The following NOS1AP variants were observed in gnomAD, a reference collection of about 807,000 sequenced individuals.
NOS1AP encodes carboxyl-terminal PDZ ligand of neuronal nitric oxide synthase protein.
Under a neutral mutation model 56.2 loss-of-function variants are expected in NOS1AP, and 21 were observed. The observed-to-expected ratio is 0.37, with a 90% CI of 0.26 to 0.54. The LOEUF is 0.54. NOS1AP is among the 20% of genes least tolerant of loss of function. The pLI is 0.84. For synonymous variants in NOS1AP, 270 were observed against 274.6 expected (o/e 0.98, Z 0.17); for missense variants, 522 against 657.8 (o/e 0.79, Z 2.26).
chr1:162,290,335 C>T (rs757699306), intron 3 of NOS1AP, among the ~76,000 whole-genome samples: 4 of 151,242 alleles, frequency 2.6e-5, no homozygotes, highest in Non-Finnish European at 5.9e-5. Flanking sequence ...GTTCATTTTA[C>T]ACAATCTCTG....
chr1:162,185,862 C>T (rs1651416857), intron 2 of NOS1AP, among the ~76,000 whole-genome samples: 1 of 152,170 alleles, frequency 6.6e-6, no homozygotes, highest in African/African-American at 2.4e-5. Flanking sequence ...CACTCTCCCT[C>T]CTCTGGAATC....
intron 2 of NOS1AP, among the ~76,000 whole-genome samples, chr1:162,165,484 G>A (rs1204980495): frequency 6.6e-6 from 1 of 152,174 alleles, no homozygotes; most frequent in Non-Finnish European, 1.5e-5. Flanking sequence ...GTGTGGTGTA[G>A]GTGTAATAAT....
chr1:162,179,151 A>C (rs1310175415), intron 2 of NOS1AP, among the ~76,000 whole-genome samples: 5 of 152,024 alleles, frequency 3.3e-5, no homozygotes, highest in African/African-American at 1.2e-4. Flanking sequence ...GTTACTGGGT[A>C]TTTATTTTAT....
At chr1:162,177,261 G>A (rs1431495832) in intron 2 of NOS1AP, among the ~76,000 whole-genome samples, 1 of 152,194 alleles carries the variant, frequency 6.6e-6, no homozygotes, top group African/African-American at 2.4e-5. Context: ...ACGCCATTGT[G>A]TTAATTAGGA....
chr1:162,255,490 A>ATTTTTTTGTTTTTTTTTTTTTTTTTTT (rs1653997985), intron 2 of NOS1AP, among the ~76,000 whole-genome samples: 1 of 60,974 alleles, frequency 1.6e-5, no homozygotes, highest in Non-Finnish European at 3.5e-5. Flanking sequence ...GCTGCTGCTG[A>ATTTTTTTGTTTTTTTTTTTTTTTTTTT]TTTTTTTTTT....
intron 4 of NOS1AP, among the ~76,000 whole-genome samples, chr1:162,313,248 G>T (rs1025966524): frequency 6.6e-6 from 1 of 152,134 alleles, no homozygotes; most frequent in Non-Finnish European, 1.5e-5. Flanking sequence ...TAAATATTCA[G>T]GGGAAGGTGA....
chr1:162,300,777 C>T, intron 4 of NOS1AP, 71 bp downstream of exon 4: 1 of 1,353,840 alleles, frequency 7.4e-7, no homozygotes, highest in East Asian at 2.3e-5. Context: ...AGCCACCTGT[C>T]AGGCTGGTGG....
chr1:162,317,026 G>C (rs533187165), intron 4 of NOS1AP: 1 of 153,570 alleles, frequency 6.5e-6, no homozygotes, highest in East Asian at 1.9e-4. Context: ...TAAGGGGGTG[G>C]GTGGGAGAAA....
intron 3 of NOS1AP, among the ~76,000 whole-genome samples, chr1:162,289,209 T>C (rs968387808): frequency 1.0e-5 from 1 of 99,534 alleles, no homozygotes; most frequent in Non-Finnish European, 2.0e-5. Flanking sequence ...CCTTCCTTCC[T>C]TTCCTTCCTT....
At chr1:162,143,142 C>T (rs953073848) in intron 1 of NOS1AP, among the ~76,000 whole-genome samples, 2 of 151,672 alleles carry the variant, frequency 1.3e-5, no homozygotes, top group Non-Finnish European at 2.9e-5. Context: ...TCATAGTTAG[C>T]CATTCCCTGA....
intron 2 of NOS1AP, among the ~76,000 whole-genome samples, chr1:162,160,913 G>A (rs1650177348): frequency 6.6e-6 from 1 of 152,202 alleles, no homozygotes; most frequent in Non-Finnish European, 1.5e-5. Flanking sequence ...AGTTGGCAGG[G>A]CTGCGTTCCT....
At chr1:162,072,680 G>C (rs1260530358) in intron 1 of NOS1AP, among the ~76,000 whole-genome samples, 1 of 152,210 alleles carries the variant, frequency 6.6e-6, no homozygotes, top group Non-Finnish European at 1.5e-5. Context: ...TGTAATTGAT[G>C]CTGCACCCTG....
intron 2 of NOS1AP, among the ~76,000 whole-genome samples, chr1:162,202,777 A>T (rs1246991965): frequency 6.6e-6 from 1 of 152,234 alleles, no homozygotes; most frequent in Admixed American, 6.5e-5. Context: ...ATCAACTAAG[A>T]TGCTTTTTCT....
chr1:162,088,725 T>C (rs1238232141), intron 1 of NOS1AP, among the ~76,000 whole-genome samples: 1 of 152,118 alleles, frequency 6.6e-6, no homozygotes, highest in East Asian at 1.9e-4. Context: ...ACAATGGTGA[T>C]GATTTCCTCT....
chr1:162,203,496 T>A (rs573919180), intron 2 of NOS1AP, among the ~76,000 whole-genome samples: 1 of 152,260 alleles, frequency 6.6e-6, no homozygotes, highest in South Asian at 2.1e-4. Flanking sequence ...AACATTATGA[T>A]GAAAAGTCAT....
At chr1:162,308,219 C>G (rs978870914) in intron 4 of NOS1AP, among the ~76,000 whole-genome samples, 12 of 152,196 alleles carry the variant, frequency 7.9e-5, no homozygotes, top group African/African-American at 2.7e-4. Flanking sequence ...GAGAAATTCA[C>G]CAGATTGCCT....
chr1:162,295,139 G>T (rs1172059401), intron 3 of NOS1AP, among the ~76,000 whole-genome samples: 2 of 152,172 alleles, frequency 1.3e-5, no homozygotes, highest in African/African-American at 4.8e-5. Context: ...AAGGCACTCA[G>T]AGAGGTGCTG....
At chr1:162,272,963 G>T (rs1654627230) in intron 2 of NOS1AP, among the ~76,000 whole-genome samples, 5 of 152,022 alleles carry the variant, frequency 3.3e-5, no homozygotes, top group African/African-American at 1.2e-4. Context: ...AGACTGAGTT[G>T]ACCATGACTT....
intron 2 of NOS1AP, among the ~76,000 whole-genome samples, chr1:162,218,743 G>A (rs777186333): frequency 6.6e-6 from 1 of 152,130 alleles, no homozygotes; most frequent in Admixed American, 6.5e-5. Flanking sequence ...GGTTTCAGGA[G>A]TGTCCCGGGC....
Sources: gnomAD v4.1 joint callset for allele counts (sites outside exome capture counted in the v4.1 genomes callset) on GRCh38, gnomAD v4.1.1 for gene constraint, MANE v1.5 for transcripts, NCBI Gene and HGNC (gene_info 2026-07-23, HGNC 2026-07-21) for gene names.